The following MALRD1 variants were observed in gnomAD, a reference collection of about 807,000 sequenced individuals.
The protein encoded by MALRD1 is MAM and LDL receptor class A domain containing 1, also known as MAM and LDL-receptor class A domain-containing protein 1.
In MALRD1, 247 loss-of-function variants were observed where a neutral mutation model predicts 242.1. That is an observed-to-expected ratio of 1.02 (90% confidence interval 0.92 to 1.13). The LOEUF is 1.13. Among genes scored for constraint, MALRD1 ranks in the 50% most tolerant of loss-of-function variants. The pLI, the probability that MALRD1 is intolerant of heterozygous loss-of-function variation, is 0.00. For synonymous variants in MALRD1, 995 were observed against 866.6 expected, an observed-to-expected ratio of 1.15 and a Z score of -2.60; for missense variants, 2,989 against 2,533.1, an observed-to-expected ratio of 1.18 and a Z score of -3.86.
rs1239793393 is a variant in MALRD1, at chr10:19,093,897, G to A, written c.597+5712G>A. 2.4e-4 allele frequency among the ~76,000 whole-genome samples: 24 copies of A among 98,048 alleles called. 6 individuals carry two copies. Among genetic ancestry groups the A allele is most frequent in the African/African-American group, 3.4e-4 (8 of 23,658 alleles). 64.3% of individuals were successfully genotyped at this position (98,048 alleles called of 152,430 possible). ...TGCTGGGGGGGTGCCTCCCAGTTAG[G>A]CTGCTCGGGGGTCAGGGGTCAGGGA... On this transcript the variant is annotated intron_variant, in intron 4 of 39. Coordinates refer to ENST00000454679, the MANE Select transcript of MALRD1 (RefSeq NM_001142308.3).
chr10:19,127,718 G>A (rs375140198), intron 7 of MALRD1, among the ~76,000 whole-genome samples: 12 of 152,124 alleles, frequency 7.9e-5, no homozygotes, highest in Non-Finnish European at 1.2e-4. Context: ...ACGTTTAAAA[G>A]GACTGTAGAT....
intron 36 of MALRD1, among the ~76,000 whole-genome samples, chr10:19,644,084 T>A (rs948642192): frequency 2.1e-4 from 32 of 152,312 alleles, no homozygotes; most frequent in African/African-American, 7.2e-4. Context: ...GCTCCATCTT[T>A]TGTTGCATTA....
Position 19,157,633 on chromosome 10 carries a change from C to T in MALRD1, c.1656+2461C>T, listed in dbSNP as rs539335887. 6.8e-4 allele frequency among the ~76,000 whole-genome samples: 103 copies of T among 152,214 alleles called. 1 individual carries two copies. The highest frequency in any genetic ancestry group is 2.3e-3 in the African/African-American group (96 of 41,538). ...TAACTGGAAAATCTAGCCAATCCTC[C>T]GAATTGGAACGTATTGATAATAGTG... On this transcript the variant is annotated intron_variant, in intron 12 of 39. Coordinates refer to ENST00000454679, the MANE Select transcript of MALRD1 (RefSeq NM_001142308.3).
At chr10:19,352,369 A>G (rs1022919173) in intron 26 of MALRD1, 72 bp downstream of exon 26, 6 of 1,359,282 alleles carry the variant, frequency 4.4e-6, no homozygotes, top group Admixed American at 4.4e-5. Context: ...AGAAAATGCA[A>G]AAGAAATAGC....
intron 28 of MALRD1, among the ~76,000 whole-genome samples, chr10:19,429,704 G>A (rs941430513): frequency 4.6e-5 from 7 of 151,914 alleles, no homozygotes; most frequent in African/African-American, 1.2e-4. Flanking sequence ...ACCCCCATAC[G>A]TTCAATTATC....
At chr10:19,539,192 T>G (rs562498860) in intron 32 of MALRD1, among the ~76,000 whole-genome samples, 1 of 152,284 alleles carries the variant, frequency 6.6e-6, no homozygotes, top group African/African-American at 2.4e-5. Flanking sequence ...AGTCTGATTC[T>G]CACACCCTCC....
intron 13 of MALRD1, among the ~76,000 whole-genome samples, chr10:19,168,799 G>C (rs1249513570): frequency 6.6e-6 from 1 of 152,052 alleles, no homozygotes; most frequent in Non-Finnish European, 1.5e-5. Context: ...ACCTTGTGTT[G>C]CTTTTTCTCT....
intron 31 of MALRD1, among the ~76,000 whole-genome samples, chr10:19,502,614 G>A (rs980003088): frequency 2.7e-4 from 41 of 152,178 alleles, no homozygotes; most frequent in African/African-American, 9.4e-4. Flanking sequence ...ATGAATATAT[G>A]GGATTTTTTG....
intron 34 of MALRD1, among the ~76,000 whole-genome samples, chr10:19,600,988 A>C (rs1410970741): frequency 1.3e-5 from 2 of 152,002 alleles, no homozygotes; most frequent in Non-Finnish European, 2.9e-5. Context: ...AGGCTCAAGC[A>C]ATCCCCCCAC....
At chr10:19,547,121 A>G (rs1835240763) in intron 32 of MALRD1, among the ~76,000 whole-genome samples, 1 of 152,102 alleles carries the variant, frequency 6.6e-6, no homozygotes, top group East Asian at 1.9e-4. Flanking sequence ...TAAATGCTAC[A>G]TGGGTCATTT....
At chr10:19,693,162 C>T (rs1383217310) in intron 38 of MALRD1, among the ~76,000 whole-genome samples, 38 of 151,742 alleles carry the variant, frequency 2.5e-4, no homozygotes, top group Admixed American at 2.5e-3. Flanking sequence ...TGAAAACTGG[C>T]ACAGGACAGG....
chr10:19,208,105 A>G (rs1836868035), intron 17 of MALRD1, among the ~76,000 whole-genome samples: 2 of 149,732 alleles, frequency 1.3e-5, no homozygotes, highest in Admixed American at 1.3e-4. Flanking sequence ...TTTTTACCAC[A>G]GTTGGTTGTG....
At chr10:19,647,280 A>T (rs895245370) in intron 36 of MALRD1, among the ~76,000 whole-genome samples, 2 of 152,184 alleles carry the variant, frequency 1.3e-5, no homozygotes, top group Non-Finnish European at 2.9e-5. Context: ...ATTGAATCTA[A>T]TTGATGTCTC....
intron 34 of MALRD1, among the ~76,000 whole-genome samples, chr10:19,597,088 T>G (rs1302587402): frequency 6.6e-6 from 1 of 152,160 alleles, no homozygotes; most frequent in African/African-American, 2.4e-5. Flanking sequence ...CAAATTGGTT[T>G]TCCAACTCCC....
At chr10:19,573,365 T>A (rs1228148834) in intron 33 of MALRD1, among the ~76,000 whole-genome samples, 2 of 152,146 alleles carry the variant, frequency 1.3e-5, no homozygotes, top group Non-Finnish European at 1.5e-5. Context: ...TCAGCCAGCC[T>A]CTGGTGCCCC....
At chr10:19,327,770 C>G in intron 23 of MALRD1, 97 bp downstream of exon 23, 1 of 999,894 alleles carries the variant, frequency 1.0e-6, no homozygotes, top group Non-Finnish European at 1.5e-6. Context: ...TGCCCCCATT[C>G]CCTTTTTGAT....
At chr10:19,518,576 A>G (rs938115423) in intron 31 of MALRD1, among the ~76,000 whole-genome samples, 1 of 152,168 alleles carries the variant, frequency 6.6e-6, no homozygotes, top group East Asian at 1.9e-4. Context: ...TTGCCTTCAT[A>G]ATTCACTCTA....
At chr10:19,117,098 A>C (rs1191683884) in intron 5 of MALRD1, among the ~76,000 whole-genome samples, 9 of 151,384 alleles carry the variant, frequency 5.9e-5, no homozygotes, top group Non-Finnish European at 1.3e-4. Context: ...CTGTCTCAAA[A>C]AAAAAAAAAA....
chr10:19,510,462 A>G (rs116881420), intron 31 of MALRD1, among the ~76,000 whole-genome samples: 20,467 of 133,472 alleles, frequency 0.15, 1,441 homozygotes, highest in East Asian at 0.23. Context: ...AGTTCCCTGC[A>G]GCCTTCCGCA....
Sources: gnomAD v4.1 joint callset for allele counts (sites outside exome capture counted in the v4.1 genomes callset) on GRCh38, gnomAD v4.1.1 for gene constraint, MANE v1.5 for transcripts, NCBI Gene and HGNC (gene_info 2026-07-23, HGNC 2026-07-21) for gene names.